The following NREP variants were observed in gnomAD, a reference collection of about 807,000 sequenced individuals.
NREP encodes neuronal regeneration related protein.
In NREP, 5 loss-of-function variants were observed where a neutral mutation model predicts 8.6. The observed-to-expected ratio is 0.58, with a 90% CI of 0.30 to 1.22. The LOEUF (loss-of-function observed/expected upper bound fraction) is 1.22, where lower values mean the gene tolerates loss of function less well. Among genes scored for constraint, NREP ranks in the 50% most tolerant of loss-of-function variants. The probability of loss-of-function intolerance (pLI) is 0.07; values close to 1 mark genes in which losing one functional copy is unlikely to be tolerated. For missense variants in NREP, 86 were observed against 82.5 expected, an observed-to-expected ratio of 1.04 and a Z score of -0.17; for synonymous variants, 27 against 28.0, an observed-to-expected ratio of 0.96 and a Z score of 0.11.
chr5:111,808,904 G>A (rs1441959594), intron 2 of NREP, among the ~76,000 whole-genome samples: 1 of 152,156 alleles, frequency 6.6e-6, no homozygotes, highest in Non-Finnish European at 1.5e-5. Context: ...TATGTAGTAT[G>A]TACTTAAGAA....
At chr5:111,969,341 G>T (rs1756736543) in intron 2 of NREP, 1 of 152,220 alleles carries the variant, frequency 6.6e-6, no homozygotes, top group South Asian at 2.1e-4. Context: ...ACAAAGGCAG[G>T]GAGACAATGA....
intron 2 of NREP, among the ~76,000 whole-genome samples, chr5:111,821,155 T>C (rs968127348): frequency 2.6e-5 from 4 of 152,172 alleles, no homozygotes; most frequent in Non-Finnish European, 5.9e-5. Flanking sequence ...CTTCAGAAGA[T>C]ACCATGCACA....
At chr5:111,898,699 C>A (rs556413100) in intron 2 of NREP, among the ~76,000 whole-genome samples, 1 of 152,210 alleles carries the variant, frequency 6.6e-6, no homozygotes, top group South Asian at 2.1e-4. Flanking sequence ...AAAAACTTCC[C>A]ACATCTTGCA....
At chr5:111,911,367 T>C (rs1417610966) in intron 2 of NREP, among the ~76,000 whole-genome samples, 1 of 152,136 alleles carries the variant, frequency 6.6e-6, no homozygotes, top group Non-Finnish European at 1.5e-5. Flanking sequence ...TTACACACTT[T>C]GCAGAAGCAT....
At chr5:111,962,255 A>C (rs554485276) in intron 2 of NREP, among the ~76,000 whole-genome samples, 14 of 152,264 alleles carry the variant, frequency 9.2e-5, no homozygotes, top group African/African-American at 3.4e-4. Flanking sequence ...CATTAGTTTT[A>C]GCTAAGAATA....
chr5:111,976,008 G>A (rs1236288295), intron 1 of NREP, among the ~76,000 whole-genome samples: 1 of 151,980 alleles, frequency 6.6e-6, no homozygotes, highest in Non-Finnish European at 1.5e-5. Context: ...TGCTCTTCTT[G>A]TTAGAGTGAA....
Position 111,757,159 on chromosome 5 carries a change from C to A in NREP, c.-82G>T, listed in dbSNP as rs944435806. ...ACAGACAAAAGCCCCGCTCCCTGTT[C>A]ACTCTCTCTCCTCTCTACACCTGAA... On this transcript the variant is annotated 5_prime_UTR_variant, in exon 1 of 4. Transcript: ENST00000257435. 25 of 981,186 alleles carry A rather than the reference C, an allele frequency of 2.5e-5. No individual in the cohort carries two copies. Among genetic ancestry groups the A allele is most frequent in the Non-Finnish European group, 2.9e-5 (24 of 827,580 alleles). 60.8% of individuals were successfully genotyped at this position (981,186 alleles called of 1,614,324 possible). A position where few individuals can be genotyped will look rare whatever the true frequency, so the allele number is the denominator to read the frequency against.
At position 111,866,285 on chromosome 5, in the gene NREP, G is replaced by A. The variant is rs1753662679; in HGVS notation, c.135+108989C>T. 2.6e-5 allele frequency among the ~76,000 whole-genome samples: 4 copies of A among 151,548 alleles called. No homozygotes were observed. In the South Asian group the frequency reaches 8.3e-4, roughly 32 times the overall value. ...AGGGCTAATATCCACAATCTACAAT[G>A]AACTCAAACAAATTTACGAGAAAAA... On this transcript the variant is annotated intron_variant, in intron 2 of 3. Transcript: ENST00000395634.
chr5:111,895,253 T>C (rs1754480972), intron 2 of NREP, among the ~76,000 whole-genome samples: 1 of 152,078 alleles, frequency 6.6e-6, no homozygotes, highest in South Asian at 2.1e-4. Context: ...TTGATGGTAG[T>C]GAAAAATGAG....
At chr5:111,758,706 T>C (rs1750877129), upstream of NREP, among the ~76,000 whole-genome samples, 1 of 152,218 alleles carries the variant, frequency 6.6e-6, no homozygotes, top group Non-Finnish European at 1.5e-5. Context: ...TTTACAAAAC[T>C]CAATTTTTAA....
chr5:111,904,326 A>G (rs866027442), intron 2 of NREP, among the ~76,000 whole-genome samples: 6 of 152,276 alleles, frequency 3.9e-5, no homozygotes, highest in South Asian at 2.1e-4. Context: ...GCTGTATGAT[A>G]AATAATTGTG....
At chr5:111,857,441 C>T (rs1182414767) in intron 2 of NREP, among the ~76,000 whole-genome samples, 2 of 152,186 alleles carry the variant, frequency 1.3e-5, no homozygotes, top group Non-Finnish European at 2.9e-5. Flanking sequence ...TTAAGTGTCA[C>T]ATAACTTATC....
At position 111,804,537 on chromosome 5, in the gene NREP, A is replaced by C. The variant is rs192182646; in HGVS notation, c.136-69030T>G. Among the ~76,000 whole-genome samples the C allele has an allele frequency of 4.8e-3, 729 of 152,312 alleles. 2 individuals carry two copies. The highest frequency in any genetic ancestry group is 7.1e-3 in the Non-Finnish European group (486 of 68,022). On this transcript the variant is annotated intron_variant, in intron 2 of 3. Coordinates refer to the NREP transcript ENST00000395634. Reference sequence around the variant, plus strand: ...ATAAAGGAAAAGATTGACAATTTGGACTACATTAAGCAACAATAAAATTTT... The same window carrying C: ...ATAAAGGAAAAGATTGACAATTTGGCCTACATTAAGCAACAATAAAATTTT...
At chr5:111,975,627 A>G (rs1756941472) in intron 1 of NREP, among the ~76,000 whole-genome samples, 1 of 152,242 alleles carries the variant, frequency 6.6e-6, no homozygotes, top group Non-Finnish European at 1.5e-5. Context: ...TGTTTGACAA[A>G]GAAAATGGTT....
At chr5:111,920,001 T>A (rs1360379184) in intron 2 of NREP, among the ~76,000 whole-genome samples, 1 of 132,048 alleles carries the variant, frequency 7.6e-6, no homozygotes, top group African/African-American at 2.8e-5. Flanking sequence ...CACAAAGAAG[T>A]CATATGCATG....
chr5:111,757,778 C>G (rs1177505415), upstream of NREP: 5 of 977,226 alleles, frequency 5.1e-6, no homozygotes, highest in East Asian at 2.3e-4. Context: ...TCCCCGCCCC[C>G]GGCCAGCCTC....
rs566846310 is a variant in NREP, at chr5:111,810,541, C to A, written c.136-75034G>T. 3.3e-5 allele frequency among the ~76,000 whole-genome samples: 5 copies of A among 152,296 alleles called. No individual in the cohort carries two copies. The South Asian group carries it at 6.2e-4, about 19-fold the overall frequency. ...ATCCTGAGTGAATCTCTGTTACTGT[C>A]ACCCTGAAAAGCTTCACATAGATTC... is the stretch of plus-strand genomic sequence containing the variant. On this transcript the variant is annotated intron_variant, in intron 2 of 3. Coordinates refer to the NREP transcript ENST00000395634.
chr5:111,854,814 C>T (rs964400963), intron 2 of NREP, among the ~76,000 whole-genome samples: 1 of 152,082 alleles, frequency 6.6e-6, no homozygotes, highest in African/African-American at 2.4e-5. Flanking sequence ...CAGAAATAAC[C>T]ACTGCTATTA....
At chr5:111,819,845 G>T (rs1219193999) in intron 2 of NREP, among the ~76,000 whole-genome samples, 1 of 152,084 alleles carries the variant, frequency 6.6e-6, no homozygotes, top group African/African-American at 2.4e-5. Flanking sequence ...AGGAATACTT[G>T]ACAGTATTTC....
Sources: allele counts gnomAD v4.1 joint callset (sites outside exome capture counted in the v4.1 genomes callset), GRCh38; gene constraint gnomAD v4.1.1; transcripts MANE v1.5; gene names NCBI Gene and HGNC (gene_info 2026-07-23, HGNC 2026-07-21).